Variants in DOCK4 observed in about 807,000 individuals in gnomAD.
The protein encoded by DOCK4 is dedicator of cytokinesis 4, also known as dedicator of cytokinesis protein 4.
A neutral mutation model predicts 268.1 loss-of-function variants in DOCK4; 97 were observed. The ratio of observed to expected loss-of-function variants is 0.36; its 90% CI spans 0.31 to 0.43. The LOEUF (loss-of-function observed/expected upper bound fraction) is 0.43. Among genes scored for constraint, DOCK4 ranks in the 20% least tolerant of loss-of-function variants. The pLI, the probability that DOCK4 is intolerant of heterozygous loss-of-function variation, is 1.00. For missense variants in DOCK4, 2,145 were observed against 2,455.7 expected (o/e 0.87, Z 2.67); for synonymous variants, 954 against 887.2 (o/e 1.08, Z -1.34).
chr7:111,737,005 G>GT lies in DOCK4; in HGVS notation c.5233-17_5233-16insA, dbSNP rs750781177. 6.3e-6 allele frequency: 10 copies of GT among 1,596,482 alleles called. No individual in the cohort carries two copies. The South Asian group carries it at 1.0e-4, about 16-fold the overall frequency. On this transcript the variant is annotated splice_polypyrimidine_tract_variant and intron_variant, in intron 49 of 52. Transcript: ENST00000428084. Reference sequence around the variant, plus strand: ...ACAGCATCCTCTGCAAAGTTACAAGGGTTGATTTTTATGATGTGATATACG... The same window carrying GT: ...ACAGCATCCTCTGCAAAGTTACAAGGTGTTGATTTTTATGATGTGATATACG...
chr7:111,822,278 T>G, intron 27 of DOCK4, 84 bp downstream of exon 27: 48 of 1,210,428 alleles, frequency 4.0e-5, no homozygotes, highest in Middle Eastern at 1.9e-4. Flanking sequence ...ACTGCAAACT[T>G]GAGATCAAAT....
At chr7:112,062,646 G>C (rs1222520007) in intron 1 of DOCK4, among the ~76,000 whole-genome samples, 3 of 152,218 alleles carry the variant, frequency 2.0e-5, no homozygotes, top group East Asian at 3.9e-4. Flanking sequence ...TATGATTTCT[G>C]CTGTGTCCTT....
chr7:111,867,622 T>C (rs1806080881), intron 22 of DOCK4, among the ~76,000 whole-genome samples: 1 of 152,170 alleles, frequency 6.6e-6, no homozygotes, highest in Admixed American at 6.5e-5. Flanking sequence ...CAGATTAAAA[T>C]GCAGTGAGAA....
intron 12 of DOCK4, among the ~76,000 whole-genome samples, chr7:111,926,979 C>T (rs144009291): frequency 6.6e-6 from 1 of 152,046 alleles, no homozygotes; most frequent in African/African-American, 2.4e-5. Flanking sequence ...AATAGTCATA[C>T]CTTGGTTTCT....
At chr7:112,108,763 C>G (rs1811358146) in intron 1 of DOCK4, among the ~76,000 whole-genome samples, 1 of 152,180 alleles carries the variant, frequency 6.6e-6, no homozygotes, top group African/African-American at 2.4e-5. Context: ...TCAAAATACC[C>G]ACACGATTGC....
chr7:111,753,911 A>T (rs1179764849), intron 42 of DOCK4, among the ~76,000 whole-genome samples: 1 of 152,218 alleles, frequency 6.6e-6, no homozygotes, highest in Non-Finnish European at 1.5e-5. Flanking sequence ...TAGGCAGCTG[A>T]TGTTTGAAAG....
intron 26 of DOCK4, among the ~76,000 whole-genome samples, chr7:111,823,464 T>C (rs1802161152): frequency 2.0e-5 from 3 of 152,098 alleles, no homozygotes; most frequent in Admixed American, 2.0e-4. Flanking sequence ...CACCTCGGCC[T>C]CCCAAAGTGC....
At chr7:112,161,757 T>C (rs368588096) in intron 1 of DOCK4, among the ~76,000 whole-genome samples, 59 of 152,336 alleles carry the variant, frequency 3.9e-4, no homozygotes, top group African/African-American at 1.1e-3. Flanking sequence ...ATAATATCAA[T>C]AGTTCACTTA....
intron 21 of DOCK4, among the ~76,000 whole-genome samples, 186 bp from the exon 22 acceptor site, chr7:111,868,340 C>T (rs776597932): frequency 3.6e-4 from 54 of 151,754 alleles, no homozygotes; most frequent in Non-Finnish European, 5.6e-4. Context: ...TCTCTGATGC[C>T]TAATGAGAGA....
intron 12 of DOCK4, among the ~76,000 whole-genome samples, chr7:111,921,006 T>C (rs1266350625): frequency 6.6e-6 from 1 of 152,040 alleles, no homozygotes; most frequent in Non-Finnish European, 1.5e-5. Context: ...TTTAATTTCA[T>C]AAAATTTTAA....
intron 1 of DOCK4, among the ~76,000 whole-genome samples, chr7:112,128,565 G>A (rs1813483553): frequency 6.6e-6 from 1 of 152,254 alleles, no homozygotes; most frequent in Non-Finnish European, 1.5e-5. Flanking sequence ...ATTTTGTTCT[G>A]TACTAAGAGA....
At chr7:111,879,414 A>G (rs1386209100) in intron 16 of DOCK4, among the ~76,000 whole-genome samples, 1 of 152,084 alleles carries the variant, frequency 6.6e-6, no homozygotes, top group Non-Finnish European at 1.5e-5. Flanking sequence ...TTACAGTGAA[A>G]GACTCCTTCT....
At chr7:112,018,269 T>C (rs1037545187) in intron 1 of DOCK4, among the ~76,000 whole-genome samples, 6 of 151,370 alleles carry the variant, frequency 4.0e-5, no homozygotes, top group Non-Finnish European at 5.9e-5. Flanking sequence ...CTATGAAGCC[T>C]TTCTGCTTCC....
At chr7:111,908,762 T>C (rs1791831780) in intron 13 of DOCK4, among the ~76,000 whole-genome samples, 1 of 151,968 alleles carries the variant, frequency 6.6e-6, no homozygotes, top group Admixed American at 6.6e-5. Flanking sequence ...TGTGTTCTCA[T>C]TGTTCAACTC....
intron 15 of DOCK4, 140 bp from the exon 16 acceptor site, chr7:111,895,858 C>T (rs1329608917): frequency 4.0e-6 from 3 of 742,206 alleles, no homozygotes; most frequent in Admixed American, 2.4e-5. Context: ...TCTGATAGGC[C>T]ATCTATATAG....
chr7:111,846,173 G>A (rs916060115), intron 24 of DOCK4, among the ~76,000 whole-genome samples: 15 of 152,152 alleles, frequency 9.9e-5, no homozygotes, highest in South Asian at 8.3e-4. Context: ...GAAGCTGATC[G>A]TAAGTGACAA....
intron 1 of DOCK4, among the ~76,000 whole-genome samples, chr7:112,097,131 G>A (rs79822916): frequency 0.027 from 4,137 of 152,250 alleles, 175 homozygotes; most frequent in African/African-American, 0.094. Flanking sequence ...CAGAAGAGAG[G>A]AAGTGATAGA....
chr7:112,099,281 G>T (rs937124738), intron 1 of DOCK4, among the ~76,000 whole-genome samples: 1 of 138,280 alleles, frequency 7.2e-6, no homozygotes, highest in Non-Finnish European at 1.5e-5. Context: ...GATAGAGCAA[G>T]ACCCTGTCTC....
At chr7:112,086,057 A>G (rs1194599907) in intron 1 of DOCK4, among the ~76,000 whole-genome samples, 1 of 152,150 alleles carries the variant, frequency 6.6e-6, no homozygotes, top group Non-Finnish European at 1.5e-5. Flanking sequence ...GGAAATGTAT[A>G]CTGGAGTATT....
Sources: allele counts gnomAD v4.1 joint callset (sites outside exome capture counted in the v4.1 genomes callset), GRCh38; gene constraint gnomAD v4.1.1; transcripts MANE v1.5; gene names NCBI Gene and HGNC (gene_info 2026-07-23, HGNC 2026-07-21).